B3GALT2: variants seen among roughly 807,000 people sequenced by gnomAD.
B3GALT2 encodes the protein beta-1,3-galactosyltransferase 2.
B3GALT2 carries 13 observed loss-of-function variants against 33.5 expected under a neutral mutation model. That is an observed-to-expected ratio of 0.39 (90% CI 0.25 to 0.62). The LOEUF (loss-of-function observed/expected upper bound fraction) is 0.62, where lower values mean the gene tolerates loss of function less well. Among genes scored for constraint, B3GALT2 ranks in the 20% least tolerant of loss-of-function variants. The pLI is 0.53. For missense variants in B3GALT2, 418 were observed against 509.1 expected, an observed-to-expected ratio of 0.82 and a Z score of 1.72; for synonymous variants, 195 against 172.7, an observed-to-expected ratio of 1.13 and a Z score of -1.01.
At position 193,179,116 on chromosome 1, in the gene B3GALT2, TTG is replaced by T. The variant is rs1357886648; in HGVS notation, c.*1176_*1177del. ...ATTGTATACATTGTTCATCCTAGAA[TTG>T]TGTTTGTCAAACGTTTGTAGTTTTC... On this transcript the variant is annotated 3_prime_UTR_variant, in exon 2 of 2. Coordinates refer to ENST00000367434, the MANE Select transcript of B3GALT2 (RefSeq NM_003783.3). 1 of 152,206 alleles carries T rather than the reference TTG, an allele frequency of 6.6e-6. No individual in the cohort carries two copies. The highest frequency in any genetic ancestry group is 2.4e-5 in the African/African-American group (1 of 41,456). 9.4% of individuals were successfully genotyped at this position (152,206 alleles called of 1,614,324 possible). A position where few individuals can be genotyped will look rare whatever the true frequency, so the allele number is the denominator to read the frequency against.
chr1:193,180,952 G>A lies in B3GALT2; in HGVS notation c.611C>T (p.Ala204Val). The stretch of plus-strand genomic sequence containing the variant: ...ATATTGTCTGCTTTCTTCCAGTATT[G>A]CACGTTGAAGGTAGCCATTTAGCTT... ...SIKLNGYLQR[A>V]ILEESRQYHD... Residue 204 changes from alanine to valine, a missense_variant, in exon 2 of 2, where the codon GCA (alanine) becomes GTA (valine). Transcript: ENST00000367434. The A allele has an allele frequency of 6.2e-7, 1 of 1,613,342 alleles. No individual in the cohort carries two copies. Among genetic ancestry groups the A allele is most frequent in the South Asian group, 1.1e-5 (1 of 91,078 alleles).
chr1:193,180,296 A>T lies in B3GALT2; in HGVS notation c.1267T>A (p.Ter423LysextTer15). The T allele has an allele frequency of 6.4e-7, 1 of 1,553,698 alleles. No individual in the cohort carries two copies. The highest frequency in any genetic ancestry group is 8.7e-7 in the Non-Finnish European group (1 of 1,152,028). The part of the protein sequence containing the change: ...AGRYRHRKLH[*>K] ...CATTTGAAAAAAAATTGTCTTTTCT[A>T]ATGTAGTTTACGGTGGCGATACCTG... is the stretch of plus-strand genomic sequence containing the variant. Residue 423 changes from the stop codon to lysine (K), a stop_lost, in exon 2 of 2, where the codon TAG (stop) becomes AAG (lysine). Transcript: ENST00000367434.
At chr1:193,183,894 A>G (rs1029189319) in intron 1 of B3GALT2, among the ~76,000 whole-genome samples, 1 of 151,634 alleles carries the variant, frequency 6.6e-6, no homozygotes, top group Non-Finnish European at 1.5e-5. Context: ...AAGAAGGAGT[A>G]AACAATAAGG....
intron 1 of B3GALT2, among the ~76,000 whole-genome samples, chr1:193,185,279 A>G (rs1676785801): frequency 6.6e-6 from 1 of 152,104 alleles, no homozygotes; most frequent in Non-Finnish European, 1.5e-5. Flanking sequence ...GCTATTTAAA[A>G]TAGTTAATTT....
chr1:193,181,465 A>G lies in B3GALT2; in HGVS notation c.98T>C (p.Leu33Pro). ...CAAAAACATAGCAAAAAGAAACACTAGAGAAAGTACTCCAATAAGATGAGT... is the reference window on the plus strand; with the variant it reads ...CAAAAACATAGCAAAAAGAAACACTGGAGAAAGTACTCCAATAAGATGAGT... ...FRTHLIGVLS[L>P]VFLFAMFLFF... Residue 33 changes from leucine to proline, a missense_variant, in exon 2 of 2, where the codon CTA becomes CCA. By Grantham distance (98) the Leu-to-Pro change is moderately conservative (BLOSUM62 -3). Around this residue, in one of 3 missense-constraint regions of B3GALT2, gnomAD observed 188 missense variants for 197.5 expected, o/e 0.95. Transcript: ENST00000367434. 6.2e-7 allele frequency: 1 copy of G among 1,614,098 alleles called. No individual in the cohort carries two copies. Among genetic ancestry groups the G allele is most frequent in the Non-Finnish European group, 8.5e-7 (1 of 1,179,938 alleles).
chr1:193,182,415 G>A (rs552711044), intron 1 of B3GALT2, among the ~76,000 whole-genome samples: 40 of 152,102 alleles, frequency 2.6e-4, no homozygotes, highest in Non-Finnish European at 4.0e-4. Flanking sequence ...CAGCATGTAA[G>A]TGTCTTTGAT....
chr1:193,181,631 T>C lies in B3GALT2; in HGVS notation c.-69A>G, dbSNP rs947874761. ...AAATGTTTTCTTCTCCTTAATACTA[T>C]TCTTTGGCAATCATTTTCTAATTCA... On this transcript the variant is annotated 5_prime_UTR_variant, in exon 2 of 2. Coordinates refer to ENST00000367434, the MANE Select transcript of B3GALT2 (RefSeq NM_003783.3). The C allele has an allele frequency of 7.5e-7, 1 of 1,331,052 alleles. No homozygotes were observed. Among genetic ancestry groups the C allele is most frequent in the Admixed American group, 2.4e-5 (1 of 42,302 alleles). The allele number at this position is 1,331,052 out of a possible 1,614,324, so 82.5% of individuals were successfully genotyped here. A position where few individuals can be genotyped will look rare whatever the true frequency, so the allele number is the denominator to read the frequency against.
intron 1 of B3GALT2, among the ~76,000 whole-genome samples, chr1:193,183,817 A>G (rs559825235): frequency 1.3e-5 from 2 of 152,054 alleles, no homozygotes; most frequent in African/African-American, 4.8e-5. Context: ...TGCTGATATG[A>G]TAATACTTGG....
Position 193,181,155 on chromosome 1 carries a change from G to A in B3GALT2, c.408C>T (p.Phe136=). 6.2e-7 allele frequency: 1 copy of A among 1,613,800 alleles called. No homozygotes were observed. Among genetic ancestry groups the A allele is most frequent in the South Asian group, 1.1e-5 (1 of 91,036 alleles). The change falls in exon 2 of 2, where the codon TTC becomes TTT. Residue 136 remains phenylalanine (F), a synonymous_variant. Coordinates refer to ENST00000367434, the MANE Select transcript of B3GALT2 (RefSeq NM_003783.3). ...KGTGHPNSYH[F]KYIINEPEKC... ...TTTCAGGCTCATTAATAATATATTTGAAATGGTAAGAATTTGGATGTCCAG... is the reference window on the plus strand; with the variant it reads ...TTTCAGGCTCATTAATAATATATTTAAAATGGTAAGAATTTGGATGTCCAG...
At position 193,180,469 on chromosome 1, in the gene B3GALT2, T is replaced by C; in HGVS notation, c.1094A>G (p.Asn365Ser). The change falls in exon 2 of 2, where the codon AAT becomes AGT. Residue 365 changes from asparagine to serine, a missense_variant. By Grantham distance (46) the Asn-to-Ser change is conservative. Transcript: ENST00000367434. ...PVPPPNEFVF[N>S]HWRVSYSSCK... is the part of the protein sequence containing the mutation. ...GCTCGAATAAGAGACTCGCCAGTGA[T>C]TGAACACAAACTCATTGGGAGGGGG... 1 of 1,614,042 alleles carries C rather than the reference T, an allele frequency of 6.2e-7. No homozygotes were observed. Among genetic ancestry groups the C allele is most frequent in the Non-Finnish European group, 8.5e-7 (1 of 1,179,928 alleles).
Position 193,181,677 on chromosome 1 carries a change from GTC to G in B3GALT2, c.-117_-116del. The stretch of plus-strand genomic sequence containing the variant: ...ATTCAGTCACATTGTCTCTCTTGTA[GTC>G]ATTCTATAAAAATGAAGCACAAAAG... On this transcript the variant is annotated 5_prime_UTR_variant, in exon 2 of 2. The change abolishes an upstream ATG in the 5' untranslated region. Transcript: ENST00000367434. 4.9e-6 allele frequency: 5 copies of G among 1,021,934 alleles called. No homozygotes were observed. The highest frequency in any genetic ancestry group is 4.2e-6 in the Non-Finnish European group (3 of 713,320). 63.3% of individuals were successfully genotyped at this position (1,021,934 alleles called of 1,614,324 possible).
At chr1:193,184,919 G>T (rs1335920956) in intron 1 of B3GALT2, among the ~76,000 whole-genome samples, 1 of 151,886 alleles carries the variant, frequency 6.6e-6, no homozygotes, top group African/African-American at 2.4e-5. Context: ...GAGTTGTGTT[G>T]TGAAATTGAG....
At chr1:193,185,057 T>C (rs1323213637) in intron 1 of B3GALT2, among the ~76,000 whole-genome samples, 1 of 152,060 alleles carries the variant, frequency 6.6e-6, no homozygotes, top group African/African-American at 2.4e-5. Flanking sequence ...TGCACACACA[T>C]ATAGTGGCGG....
chr1:193,183,263 A>C (rs2103161139), intron 1 of B3GALT2, among the ~76,000 whole-genome samples: 1 of 151,670 alleles, frequency 6.6e-6, no homozygotes, highest in Non-Finnish European at 1.5e-5. Context: ...CAAATATCTA[A>C]GGTCCAACCA....
Position 193,179,675 on chromosome 1 carries a change from AAG to A in B3GALT2, c.*617_*618del, listed in dbSNP as rs1676677138. The A allele has an allele frequency of 6.6e-6, 1 of 152,570 alleles. No homozygotes were observed. The highest frequency in any genetic ancestry group is 6.5e-5 in the Admixed American group (1 of 15,274). The allele number at this position is 152,570 out of a possible 1,614,324, so 9.5% of individuals were successfully genotyped here. ...ATAATTTTCCCCCATATATTAATAA[AAG>A]AAAGTATTAATAAAAGAAATTTAAA... On this transcript the variant is annotated 3_prime_UTR_variant, in exon 2 of 2. Coordinates refer to ENST00000367434, the MANE Select transcript of B3GALT2 (RefSeq NM_003783.3).
chr1:193,181,004 T>TGG lies in B3GALT2; in HGVS notation c.558_559insCC (p.Arg187ProfsTer8). ...ATACTTAAGCCCAACAAAAATATTC[T>TGG]TGTGATTTGAATACCAGGTGCTAGA... On this transcript the variant is annotated frameshift_variant, in exon 2 of 2. Transcript: ENST00000367434. LOFTEE classifies it high-confidence loss of function. The TGG allele has an allele frequency of 6.2e-7, 1 of 1,613,644 alleles. No homozygotes were observed.
chr1:193,180,896 T>C lies in B3GALT2; in HGVS notation c.667A>G (p.Thr223Ala), dbSNP rs771582358. 2 of 1,613,874 alleles carry C rather than the reference T, an allele frequency of 1.2e-6. No individual in the cohort carries two copies. Among genetic ancestry groups the C allele is most frequent in the East Asian group, 2.2e-5 (1 of 44,882 alleles). The change falls in exon 2 of 2, where the codon ACG (threonine) becomes GCG (alanine). Residue 223 changes from threonine (T) to alanine (A), a missense_variant. Physicochemically the swap from Thr to Ala is moderately conservative, Grantham distance 58 (BLOSUM62 0). Coordinates refer to ENST00000367434, the MANE Select transcript of B3GALT2 (RefSeq NM_003783.3). ...HDIIQQEYLD[T>A]YYNLTIKTLM... ...GTTTTAATGGTCAAATTATAGTACG[T>C]ATCTAAGTATTCCTGTTGAATTATA...
At chr1:193,182,900 C>A (rs1450124519) in intron 1 of B3GALT2, among the ~76,000 whole-genome samples, 1 of 151,942 alleles carries the variant, frequency 6.6e-6, no homozygotes, top group Non-Finnish European at 1.5e-5. Context: ...ATTTTTCCAA[C>A]TTTTTATTAT....
chr1:193,185,074 A>G (rs1040506046), intron 1 of B3GALT2, among the ~76,000 whole-genome samples: 1 of 152,022 alleles, frequency 6.6e-6, no homozygotes, highest in Non-Finnish European at 1.5e-5. Context: ...GCGGTAGTTC[A>G]TTACTGCATA....
Sources: gnomAD v4.1 joint callset for allele counts (sites outside exome capture counted in the v4.1 genomes callset) on GRCh38, gnomAD v4.1.1 for gene constraint, gnomAD v4.1.1 regional missense constraint, MANE v1.5 for transcripts, NCBI Gene and HGNC (gene_info 2026-07-23, HGNC 2026-07-21) for gene names.